The following AKT1 variants were observed in gnomAD, a reference collection of about 807,000 sequenced individuals.
AKT1 encodes AKT serine/threonine kinase 1, also known as RAC-alpha serine/threonine-protein kinase.
Under a neutral mutation model 63.1 loss-of-function variants are expected in AKT1, and 21 were observed. The ratio of observed to expected loss-of-function variants is 0.33; its 90% CI spans 0.24 to 0.48. AKT1 has a LOEUF of 0.48. AKT1 is among the 20% of genes least tolerant of loss of function. The pLI, the probability that AKT1 is intolerant of heterozygous loss-of-function variation, is 0.99. For synonymous variants in AKT1, 257 were observed against 253.1 expected (o/e 1.02, Z -0.15); for missense variants, 382 against 666.0 (o/e 0.57, Z 4.69).
At chr14:104,776,534 G>C (rs917847115) in intron 5 of AKT1, 125 bp downstream of exon 5, 15 of 767,640 alleles carry the variant, frequency 2.0e-5, no homozygotes, top group Non-Finnish European at 3.1e-5. Context: ...GCTCTGAGGA[G>C]GGCCTGGGAG....
intron 3 of AKT1, among the ~76,000 whole-genome samples, chr14:104,790,940 C>T (rs539011378): frequency 1.2e-4 from 19 of 152,298 alleles, no homozygotes; most frequent in African/African-American, 3.4e-4. Flanking sequence ...GAGTGGCTAA[C>T]CAGGGTTCAA....
At position 104,769,986 on chromosome 14, in the gene AKT1, CAGAG is replaced by C. The variant is rs983253841; in HGVS notation, c.*351_*354del. On this transcript the variant is annotated 3_prime_UTR_variant, in exon 15 of 15. Transcript: ENST00000649815. ...CAGACAGCCCAGGGCGGCTGGCTGA[CAGAG>C]TGAGGGGACACATGGGCAGGACCTG... 2 of 438,096 alleles carry C rather than the reference CAGAG, an allele frequency of 4.6e-6. No individual in the cohort carries two copies. The highest frequency in any genetic ancestry group is 4.3e-5 in the East Asian group (1 of 23,146). The allele number at this position is 438,096 out of a possible 1,614,324, so 27.1% of individuals were successfully genotyped here. A position where few individuals can be genotyped will look rare whatever the true frequency, so the allele number is the denominator to read the frequency against.
In AKT1 at chr14:104,776,085, CCCCAAGCAGGACTCCGCCT is replaced by C. The variant is rs1320406584; in HGVS notation, c.288-305_288-287del. The C allele has an allele frequency of 2.1e-3, 710 of 342,150 alleles. 6 individuals are homozygous for C. The highest frequency in any genetic ancestry group is 0.017 in the African/African-American group (597 of 34,178). The allele number at this position is 342,150 out of a possible 1,614,324, so 21.2% of individuals were successfully genotyped here. On this transcript the variant is annotated intron_variant, in intron 5 of 14. Coordinates refer to ENST00000649815, the MANE Select transcript of AKT1 (RefSeq NM_001382430.1). ...CCGCCCCCCAGCAGGACTCCGCCCC[CCCCAAGCAGGACTCCGCCT>C]CCCAAGCAGGACTCCGCCCCCCAAG...
chr14:104,782,250 G>A (rs911230149), intron 3 of AKT1, among the ~76,000 whole-genome samples: 1 of 152,026 alleles, frequency 6.6e-6, no homozygotes, highest in African/African-American at 2.4e-5. Context: ...GGAGCTGTCG[G>A]CCCCTGATGG....
intron 3 of AKT1, among the ~76,000 whole-genome samples, chr14:104,792,373 C>T (rs905496511): frequency 9.2e-5 from 14 of 152,120 alleles, no homozygotes; most frequent in Admixed American, 7.8e-4. Context: ...CAGGAAGCCA[C>T]TCAGATGGCC....
Position 104,780,234 on chromosome 14 carries a change from G to A in AKT1, c.47-18C>T, listed in dbSNP as rs1448758750. 6.2e-7 allele frequency: 1 copy of A among 1,612,284 alleles called. No homozygotes were observed. Among genetic ancestry groups the A allele is most frequent in the Non-Finnish European group, 8.5e-7 (1 of 1,179,406 alleles). On this transcript the variant is annotated intron_variant, in intron 3 of 14. Transcript: ENST00000649815. ...GTACTCCCCTACAGACGTGCGGGTG[G>A]TGAGAGCCACGCACACTCTACCCGT...
Position 104,769,803 on chromosome 14 carries a change from T to C in AKT1, c.*538A>G. 2.6e-6 allele frequency: 1 copy of C among 389,612 alleles called. No individual in the cohort carries two copies. The highest frequency in any genetic ancestry group is 2.4e-5 in the South Asian group (1 of 42,122). The allele number at this position is 389,612 out of a possible 1,614,324, so 24.1% of individuals were successfully genotyped here. A position where few individuals can be genotyped will look rare whatever the true frequency, so the allele number is the denominator to read the frequency against. On this transcript the variant is annotated 3_prime_UTR_variant, in exon 15 of 15. Coordinates refer to ENST00000649815, the MANE Select transcript of AKT1 (RefSeq NM_001382430.1). ...CCCATCCCAGGGGCCCAGCCTCCGATGACGTCCTCAGAGACACGGCCTTAG... is the reference window on the plus strand; with the variant it reads ...CCCATCCCAGGGGCCCAGCCTCCGACGACGTCCTCAGAGACACGGCCTTAG...
chr14:104,792,100 G>T (rs2494747), intron 3 of AKT1, among the ~76,000 whole-genome samples: 72,829 of 152,092 alleles, frequency 0.48, 19,473 homozygotes, highest in Non-Finnish European at 0.61. Flanking sequence ...ACAGGGGCTG[G>T]GGGACTTGGC....
At chr14:104,775,269 CGTGGG>C in intron 6 of AKT1, 62 bp from the exon 7 acceptor site, 1 of 1,602,286 alleles carries the variant, frequency 6.2e-7, no homozygotes, top group Non-Finnish European at 8.5e-7. Flanking sequence ...GGTCGGCATG[CGTGGG>C]GTGGCATGAG....
intron 12 of AKT1, 144 bp downstream of exon 12, chr14:104,772,734 T>C: frequency 1.0e-6 from 1 of 1,002,060 alleles, no homozygotes; most frequent in Admixed American, 2.6e-5. Context: ...CCTGAGGCTT[T>C]GGAGATCAGC....
intron 3 of AKT1, among the ~76,000 whole-genome samples, chr14:104,787,388 G>A (rs1348557396): frequency 6.6e-6 from 1 of 152,064 alleles, no homozygotes. Context: ...TAGGCACAAT[G>A]GTCCAAGCAG....
chr14:104,770,253 G>A lies in AKT1; in HGVS notation c.*88C>T, dbSNP rs1239132286. ...AGCGTGGCTTCTCTCAAATGCACCC[G>A]AGAAATAAAAACCATTAAATACAGA... On this transcript the variant is annotated 3_prime_UTR_variant, in exon 15 of 15. Coordinates refer to ENST00000649815, the MANE Select transcript of AKT1 (RefSeq NM_001382430.1). 25 of 1,428,424 alleles carry A rather than the reference G, an allele frequency of 1.8e-5. No individual in the cohort carries two copies. The highest frequency in any genetic ancestry group is 1.9e-5 in the Non-Finnish European group (20 of 1,047,226). 88.5% of individuals were successfully genotyped at this position (1,428,424 alleles called of 1,614,324 possible).
chr14:104,788,407 C>T (rs543360590), intron 3 of AKT1, among the ~76,000 whole-genome samples: 4 of 152,310 alleles, frequency 2.6e-5, no homozygotes, highest in South Asian at 2.1e-4. Context: ...ATTAGCCCTG[C>T]GGGGCCCTCC....
chr14:104,785,274 G>C (rs995376269), intron 3 of AKT1, among the ~76,000 whole-genome samples: 2 of 152,124 alleles, frequency 1.3e-5, no homozygotes, highest in Non-Finnish European at 2.9e-5. Context: ...GCCTCTGCCC[G>C]GGCCCGGGAG....
chr14:104,772,016 C>T (rs1322736084), intron 13 of AKT1: 3 of 449,494 alleles, frequency 6.7e-6, no homozygotes, highest in Non-Finnish European at 1.2e-5. Flanking sequence ...ACCCCTGGTC[C>T]ACCACCAGCC....
Position 104,775,211 on chromosome 14 carries a change from T to C in AKT1, c.436-4A>G, listed in dbSNP as rs1060504821. ...GGTACTCAAACTCGTTCATGGTCTA[T>C]GGGCAGGCACCAGGGTCAGCAAGCG... On this transcript the variant is annotated splice_region_variant and splice_polypyrimidine_tract_variant and intron_variant, in intron 6 of 14. Coordinates refer to ENST00000649815, the MANE Select transcript of AKT1 (RefSeq NM_001382430.1). 1.2e-6 allele frequency: 2 copies of C among 1,613,706 alleles called. No homozygotes were observed. The highest frequency in any genetic ancestry group is 1.7e-5 in the Admixed American group (1 of 60,024).
chr14:104,777,426 G>T, intron 4 of AKT1: 2 of 601,480 alleles, frequency 3.3e-6, no homozygotes, highest in Non-Finnish European at 4.3e-6. Context: ...ACGCACACCT[G>T]GGACACAGCC....
At chr14:104,777,502 C>T (rs1420260183) in intron 4 of AKT1, 1 of 998,518 alleles carries the variant, frequency 1.0e-6, no homozygotes, top group African/African-American at 1.8e-5. Flanking sequence ...CACACGAACA[C>T]CTGGGGCACA....
chr14:104,785,215 C>T (rs1392795710), intron 3 of AKT1, among the ~76,000 whole-genome samples: 4 of 152,206 alleles, frequency 2.6e-5, no homozygotes, highest in East Asian at 3.9e-4. Flanking sequence ...CCACCCTCCC[C>T]GCCTGCCAGG....
Sources: gnomAD v4.1 joint callset for allele counts (sites outside exome capture counted in the v4.1 genomes callset) on GRCh38, gnomAD v4.1.1 for gene constraint, MANE v1.5 for transcripts, NCBI Gene and HGNC (gene_info 2026-07-23, HGNC 2026-07-21) for gene names.